Variants in RORA observed in about 807,000 individuals in gnomAD.
RORA encodes the protein nuclear receptor ROR-alpha.
RORA carries 7 observed loss-of-function variants against 69.5 expected under a neutral mutation model. The observed-to-expected ratio is 0.10, with a 90% CI of 0.06 to 0.19. The LOEUF is 0.19. Ranked by LOEUF, RORA falls within the 10% of genes least tolerant of loss-of-function variation. The pLI is 1.00. For missense variants in RORA, 457 were observed against 663.0 expected, an observed-to-expected ratio of 0.69 and a Z score of 3.41; for synonymous variants, 261 against 240.8, an observed-to-expected ratio of 1.08 and a Z score of -0.78.
intron 1 of RORA, among the ~76,000 whole-genome samples, chr15:60,752,844 C>A (rs1293550625): frequency 7.2e-5 from 11 of 152,154 alleles, no homozygotes; most frequent in African/African-American, 2.2e-4. Flanking sequence ...GAGAAAGAAA[C>A]AAACTGTACC....
At chr15:60,744,642 AGG>A (rs752927988) in intron 1 of RORA, among the ~76,000 whole-genome samples, 23 of 152,306 alleles carry the variant, frequency 1.5e-4, no homozygotes, top group Non-Finnish European at 3.1e-4. Context: ...AAGTAAGATA[AGG>A]GTATGCCAGC....
At chr15:60,754,721 A>G (rs2071772723) in intron 1 of RORA, among the ~76,000 whole-genome samples, 2 of 152,260 alleles carry the variant, frequency 1.3e-5, no homozygotes, top group South Asian at 2.1e-4. Flanking sequence ...GCACAGGCAC[A>G]TTGGAGGAGC....
Position 60,592,500 on chromosome 15 carries a change from C to G in RORA, c.197-60649G>C, listed in dbSNP as rs982989182. 32 of 1,321,180 alleles carry G rather than the reference C, an allele frequency of 2.4e-5. No individual in the cohort carries two copies. The African/African-American group carries it at 3.4e-4, about 14-fold the overall frequency. 81.8% of individuals were successfully genotyped at this position (1,321,180 alleles called of 1,614,324 possible). A position where few individuals can be genotyped will look rare whatever the true frequency, so the allele number is the denominator to read the frequency against. On this transcript the variant is annotated intron_variant, in intron 2 of 10. Coordinates refer to ENST00000335670, the MANE Select transcript of RORA (RefSeq NM_134261.3). ...CTGCCGCCGCCGCGCCGCCGCCGCC[C>G]GAGCCACAGCAGCAGCTGCCGCAGC...
intron 2 of RORA, among the ~76,000 whole-genome samples, chr15:60,624,049 G>A (rs2140632230): frequency 6.6e-6 from 1 of 152,074 alleles, no homozygotes; most frequent in East Asian, 1.9e-4. Context: ...AGGGTGGGGA[G>A]GCCTATGGTG....
intron 1 of RORA, among the ~76,000 whole-genome samples, chr15:60,812,889 C>G (rs1302056444): frequency 6.6e-6 from 1 of 152,190 alleles, no homozygotes; most frequent in Admixed American, 6.5e-5. Flanking sequence ...CATGTCCTAT[C>G]ATTGTAATAA....
chr15:61,124,004 C>G (rs143894545), intron 1 of RORA, among the ~76,000 whole-genome samples: 9 of 152,296 alleles, frequency 5.9e-5, no homozygotes, highest in Admixed American at 1.3e-4. Context: ...TATCAGGCCT[C>G]AGACTTCAAA....
chr15:60,597,619 C>CACATAT (rs1199012248), intron 2 of RORA, among the ~76,000 whole-genome samples: 1 of 20,406 alleles, frequency 4.9e-5, no homozygotes, highest in African/African-American at 1.7e-4. Context: ...TATATATATA[C>CACATAT]ATACATATAT....
chr15:61,004,295 AGACT>A (rs1243525941), intron 1 of RORA, among the ~76,000 whole-genome samples: 2 of 152,102 alleles, frequency 1.3e-5, no homozygotes, highest in Admixed American at 1.3e-4. Flanking sequence ...AGAGAGAGAC[AGACT>A]AATACGTACA....
intron 1 of RORA, among the ~76,000 whole-genome samples, chr15:60,712,915 A>G (rs1221241079): frequency 1.3e-5 from 2 of 151,950 alleles, no homozygotes; most frequent in Non-Finnish European, 2.9e-5. Context: ...AGAGAGCCTG[A>G]CCTCTCTCTG....
chr15:61,118,342 A>T (rs16943659), intron 1 of RORA, among the ~76,000 whole-genome samples: 130 of 152,312 alleles, frequency 8.5e-4, no homozygotes, highest in African/African-American at 3.0e-3. Context: ...CCTGTGAACT[A>T]AAGCACAAAA....
chr15:60,558,330 C>T, intron 2 of RORA: 1 of 1,522,722 alleles, frequency 6.6e-7, no homozygotes, highest in South Asian at 1.1e-5. Flanking sequence ...GATAGCCTAT[C>T]TCAAAAAAGC....
At chr15:60,807,483 G>A (rs1383600491) in intron 1 of RORA, among the ~76,000 whole-genome samples, 2 of 152,126 alleles carry the variant, frequency 1.3e-5, no homozygotes, top group Admixed American at 1.3e-4. Context: ...TCGACATTGT[G>A]AAAATGACCA....
intron 1 of RORA, among the ~76,000 whole-genome samples, chr15:61,186,726 A>G (rs1292185273): frequency 6.6e-6 from 1 of 151,502 alleles, no homozygotes; most frequent in Admixed American, 6.6e-5. Context: ...GTCTACCAAA[A>G]TCTGCATTTT....
intron 1 of RORA, among the ~76,000 whole-genome samples, chr15:61,004,039 T>C (rs2140383902): frequency 6.6e-6 from 1 of 151,944 alleles, no homozygotes; most frequent in East Asian, 1.9e-4. Flanking sequence ...GATCCCATTG[T>C]GGAGGGACTA....
intron 1 of RORA, among the ~76,000 whole-genome samples, chr15:60,804,717 TAAAC>T (rs1191986491): frequency 6.6e-6 from 1 of 152,224 alleles, no homozygotes. Flanking sequence ...TGTATGAGAT[TAAAC>T]AACCGATTTC....
intron 1 of RORA, among the ~76,000 whole-genome samples, chr15:61,138,099 A>G (rs1473649032): frequency 2.6e-5 from 4 of 152,202 alleles, no homozygotes; most frequent in Non-Finnish European, 5.9e-5. Context: ...CTGTTTCCAT[A>G]TCATTCATTT....
chr15:60,896,447 G>T (rs1891233348), intron 1 of RORA, among the ~76,000 whole-genome samples: 1 of 152,120 alleles, frequency 6.6e-6, no homozygotes, highest in South Asian at 2.1e-4. Flanking sequence ...ACATCCATTT[G>T]TCAGACATAA....
At chr15:60,965,620 A>C (rs1354189798) in intron 1 of RORA, among the ~76,000 whole-genome samples, 1 of 152,236 alleles carries the variant, frequency 6.6e-6, no homozygotes, top group Non-Finnish European at 1.5e-5. Context: ...TAAACATGAC[A>C]TCAAGGGGAA....
At chr15:60,573,260 C>T (rs766238384) in intron 2 of RORA, among the ~76,000 whole-genome samples, 10 of 152,116 alleles carry the variant, frequency 6.6e-5, no homozygotes, top group South Asian at 2.1e-4. Context: ...TTCATCTTAG[C>T]GACATCATAA....
Sources: allele counts gnomAD v4.1 joint callset (sites outside exome capture counted in the v4.1 genomes callset), GRCh38; gene constraint gnomAD v4.1.1; transcripts MANE v1.5; gene names NCBI Gene and HGNC (gene_info 2026-07-23, HGNC 2026-07-21).